VAC14: variants seen among roughly 807,000 people sequenced by gnomAD.
VAC14 encodes VAC14 component of PIKFYVE complex, also known as protein VAC14 homolog.
In VAC14, 47 loss-of-function variants were observed where a neutral mutation model predicts 85.3. The ratio of observed to expected loss-of-function variants is 0.55; its 90% CI spans 0.44 to 0.70. VAC14 has a LOEUF of 0.70. VAC14 is among the 30% of genes least tolerant of loss of function. The pLI is 0.00. For synonymous variants in VAC14, 447 were observed against 430.5 expected (o/e 1.04, Z -0.47); for missense variants, 861 against 1,004.3 (o/e 0.86, Z 1.93).
rs368091464 is a variant in VAC14, at chr16:70,772,233, A to G, written c.1097-61T>C. 276 of 1,416,128 alleles carry G rather than the reference A, an allele frequency of 1.9e-4. 3 individuals are homozygous for G. The African/African-American group carries it at 3.2e-3, about 16-fold the overall frequency. 87.7% of individuals were successfully genotyped at this position (1,416,128 alleles called of 1,614,324 possible). On this transcript the variant is annotated intron_variant, in intron 9 of 18. Transcript: ENST00000261776. ...CTGTTGGCTCTCTTGAATAAACAAG[A>G]CCCCTGTGACAAGCACACACAGAAC...
intron 14 of VAC14, among the ~76,000 whole-genome samples, chr16:70,725,588 G>A (rs1288605628): frequency 1.3e-5 from 2 of 152,032 alleles, no homozygotes; most frequent in Non-Finnish European, 2.9e-5. Context: ...CAGGACACTG[G>A]GGAGGGGCAG....
chr16:70,762,994 C>G lies in VAC14; in HGVS notation c.1192G>C (p.Asp398His). 1 of 1,614,192 alleles carries G rather than the reference C, an allele frequency of 6.2e-7. No individual in the cohort carries two copies. Residue 398 changes from aspartate to histidine, a missense_variant, in exon 11 of 19, where the codon GAC becomes CAC. Asp to His is a moderately conservative substitution (Grantham distance 81). Coordinates refer to ENST00000261776, the MANE Select transcript of VAC14 (RefSeq NM_018052.5). The surrounding 1 kb of genome is among the most constrained non-coding windows in gnomAD (Gnocchi z 4.1). ...CAGTTTAGGACCTGCACGATCCCGTCGAGGTGAAGGGTCACTGGGGCTCTT... is the reference window on the plus strand; with the variant it reads ...CAGTTTAGGACCTGCACGATCCCGTGGAGGTGAAGGGTCACTGGGGCTCTT... The part of the protein sequence containing the change: ...TERAPVTLHL[D>H]GIVQVLNCHL...
At chr16:70,719,808 C>T (rs2054244955) in intron 14 of VAC14, among the ~76,000 whole-genome samples, 1 of 152,176 alleles carries the variant, frequency 6.6e-6, no homozygotes, top group South Asian at 2.1e-4. Flanking sequence ...TGGACAGTAC[C>T]TCCCTAAGCC....
intron 14 of VAC14, among the ~76,000 whole-genome samples, chr16:70,702,410 G>A (rs1361044198): frequency 6.6e-6 from 1 of 152,150 alleles, no homozygotes; most frequent in Non-Finnish European, 1.5e-5. Context: ...GAGAGGAGAG[G>A]CCGGGAGCAG....
chr16:70,796,239 T>C (rs2034540274), intron 1 of VAC14, among the ~76,000 whole-genome samples: 1 of 152,152 alleles, frequency 6.6e-6, no homozygotes. Flanking sequence ...CTGGTGGTCT[T>C]AAGATTCTGG....
intron 14 of VAC14, among the ~76,000 whole-genome samples, chr16:70,721,726 C>A (rs904338540): frequency 1.3e-4 from 20 of 152,164 alleles, no homozygotes; most frequent in African/African-American, 4.8e-4. Context: ...GGCTGCAGAA[C>A]ACGAACCCTC....
At chr16:70,783,251 T>C (rs1425302637) in intron 6 of VAC14, 112 bp from the exon 7 acceptor site, 5 of 1,218,980 alleles carry the variant, frequency 4.1e-6, no homozygotes, top group East Asian at 2.3e-5. Context: ...GGCTTGGCTT[T>C]TGGACTTGTC....
intron 13 of VAC14, among the ~76,000 whole-genome samples, chr16:70,733,644 T>C (rs1306822615): frequency 6.6e-6 from 1 of 152,020 alleles, no homozygotes; most frequent in Non-Finnish European, 1.5e-5. Flanking sequence ...TTCCTCTTAC[T>C]CTCTTGCTCC....
chr16:70,715,511 C>G (rs2054145456), intron 14 of VAC14: 1 of 152,450 alleles, frequency 6.6e-6, no homozygotes, highest in Admixed American at 6.5e-5. Context: ...CTGCCCAGCA[C>G]AGCAGCAGCG....
At chr16:70,726,557 C>T (rs1004523210) in intron 14 of VAC14, among the ~76,000 whole-genome samples, 3 of 152,204 alleles carry the variant, frequency 2.0e-5, no homozygotes, top group Non-Finnish European at 2.9e-5. Flanking sequence ...ATCATCGCTG[C>T]GTCACAGACA....
chr16:70,785,195 C>A (rs931153864), intron 3 of VAC14, among the ~76,000 whole-genome samples: 3 of 152,206 alleles, frequency 2.0e-5, no homozygotes, highest in African/African-American at 7.2e-5. Flanking sequence ...GAGGAGGGGA[C>A]AGGGTAGCTG....
intron 8 of VAC14, 60 bp downstream of exon 8, chr16:70,781,809 C>G: frequency 1.3e-6 from 2 of 1,593,358 alleles, no homozygotes; most frequent in South Asian, 2.2e-5. Flanking sequence ...TGCAGGGTCC[C>G]TCAACTTCAT....
intron 10 of VAC14, among the ~76,000 whole-genome samples, chr16:70,763,821 C>T (rs954103851): frequency 1.3e-5 from 2 of 152,182 alleles, no homozygotes; most frequent in East Asian, 1.9e-4. Flanking sequence ...TGCGGGACAG[C>T]GGGTGCTGCT....
At chr16:70,702,259 C>G (rs1453281195) in intron 14 of VAC14, among the ~76,000 whole-genome samples, 2 of 151,414 alleles carry the variant, frequency 1.3e-5, no homozygotes, top group Non-Finnish European at 3.0e-5. Context: ...AGATCTTGCA[C>G]TCTCTTGCTG....
Position 70,690,389 on chromosome 16 carries a change from C to T in VAC14, c.2187-2299G>A, listed in dbSNP as rs980670963. 35 of 985,494 alleles carry T rather than the reference C, an allele frequency of 3.6e-5. No individual in the cohort carries two copies. The African/African-American group carries it at 4.4e-4, about 12-fold the overall frequency. 61.0% of individuals were successfully genotyped at this position (985,494 alleles called of 1,614,324 possible). A position where few individuals can be genotyped will look rare whatever the true frequency, so the allele number is the denominator to read the frequency against. On this transcript the variant is annotated intron_variant, in intron 18 of 18. Coordinates refer to ENST00000261776, the MANE Select transcript of VAC14 (RefSeq NM_018052.5). ...TAGGTCCATAACCACCCTCGGGCACCGAGGCTGAGGCCAGCCAGCCCACAG... is the reference window on the plus strand; with the variant it reads ...TAGGTCCATAACCACCCTCGGGCACTGAGGCTGAGGCCAGCCAGCCCACAG...
intron 16 of VAC14, 26 bp downstream of exon 16, chr16:70,697,113 C>G: frequency 1.3e-6 from 2 of 1,598,180 alleles, no homozygotes; most frequent in Middle Eastern, 1.7e-4. Context: ...GAGGCTCAAC[C>G]CCAACCACAG....
intron 12 of VAC14, among the ~76,000 whole-genome samples, chr16:70,758,408 T>C (rs1339650949): frequency 6.6e-6 from 1 of 152,186 alleles, no homozygotes; most frequent in Non-Finnish European, 1.5e-5. Flanking sequence ...GCCAGGGTCA[T>C]GGCCACCTGT....
chr16:70,757,233 C>T (rs1436777515), intron 12 of VAC14, among the ~76,000 whole-genome samples: 1 of 152,230 alleles, frequency 6.6e-6, no homozygotes, highest in Non-Finnish European at 1.5e-5. Context: ...CAGGGCTTGC[C>T]TTCTCGATCT....
At chr16:70,785,892 G>A in intron 2 of VAC14, 23 bp from the exon 3 acceptor site, 1 of 1,594,858 alleles carries the variant, frequency 6.3e-7, no homozygotes, top group Non-Finnish European at 8.6e-7. Flanking sequence ...AGGAGGAGAA[G>A]ACAGATCAGA....
Sources: allele counts gnomAD v4.1 joint callset (sites outside exome capture counted in the v4.1 genomes callset), GRCh38; gene constraint gnomAD v4.1.1; non-coding constraint Gnocchi (gnomAD v3.1); transcripts MANE v1.5; gene names NCBI Gene and HGNC (gene_info 2026-07-23, HGNC 2026-07-21).